The following GMPR variants were observed in gnomAD, a reference collection of about 807,000 sequenced individuals.
GMPR encodes the protein guanosine monophosphate reductase.
GMPR carries 31 observed loss-of-function variants against 38.4 expected under a neutral mutation model. That is an observed-to-expected ratio of 0.81 (90% CI 0.61 to 1.09). GMPR has a LOEUF of 1.09. GMPR is among the 50% of genes least tolerant of loss of function. The probability of loss-of-function intolerance (pLI) is 0.00; values close to 1 mark genes in which losing one functional copy is unlikely to be tolerated. For synonymous variants in GMPR, 162 were observed against 173.3 expected (o/e 0.93, Z 0.51); for missense variants, 468 against 453.7 (o/e 1.03, Z -0.29).
chr6:16,290,287 T>C, intron 7 of GMPR, 175 bp from the exon 8 acceptor site: 1 of 670,912 alleles, frequency 1.5e-6, no homozygotes, highest in East Asian at 2.5e-5. Flanking sequence ...TCTCCCTGCA[T>C]GGAAGCCTTC....
chr6:16,275,517 G>A (rs777537011), intron 5 of GMPR, among the ~76,000 whole-genome samples: 21 of 152,120 alleles, frequency 1.4e-4, no homozygotes, highest in Admixed American at 2.6e-4. Context: ...TCAAGGTTAA[G>A]TTTTTCATAT....
chr6:16,286,443 G>A (rs956884342), intron 7 of GMPR, among the ~76,000 whole-genome samples: 1 of 151,988 alleles, frequency 6.6e-6, no homozygotes, highest in Non-Finnish European at 1.5e-5. Context: ...TTGGAAGTCA[G>A]AGCTGGCCGC....
chr6:16,245,315 G>C (rs762332833), intron 1 of GMPR, among the ~76,000 whole-genome samples: 1 of 152,158 alleles, frequency 6.6e-6, no homozygotes, highest in Non-Finnish European at 1.5e-5. Flanking sequence ...CACCCAGGAC[G>C]CCTTCTGGAC....
intron 8 of GMPR, among the ~76,000 whole-genome samples, chr6:16,291,285 G>A (rs1759837760): frequency 6.6e-6 from 1 of 152,034 alleles, no homozygotes; most frequent in Non-Finnish European, 1.5e-5. Context: ...GTGCAGTGGT[G>A]TGATGTCAGC....
chr6:16,290,405 T>TG (rs1759817064), intron 7 of GMPR, 57 bp from the exon 8 acceptor site: 18 of 1,515,568 alleles, frequency 1.2e-5, no homozygotes, highest in Non-Finnish European at 1.6e-5. Flanking sequence ...TTTGAGAGCC[T>TG]TTTCCCCTGA....
At chr6:16,253,984 G>A (rs1327862032) in intron 3 of GMPR, among the ~76,000 whole-genome samples, 1 of 151,986 alleles carries the variant, frequency 6.6e-6, no homozygotes, top group Non-Finnish European at 1.5e-5. Context: ...AGACTGGAGT[G>A]CAATGGCACA....
chr6:16,291,890 AAC>A (rs1186193398), intron 8 of GMPR, among the ~76,000 whole-genome samples: 1 of 151,524 alleles, frequency 6.6e-6, no homozygotes, highest in Non-Finnish European at 1.5e-5. Context: ...CAGCCTGGGC[AAC>A]AGAGTGATAC....
At chr6:16,278,573 G>A (rs1245451203) in intron 5 of GMPR, among the ~76,000 whole-genome samples, 1 of 152,178 alleles carries the variant, frequency 6.6e-6, no homozygotes, top group Non-Finnish European at 1.5e-5. Flanking sequence ...CAGTGACAGT[G>A]ATGAGGACCG....
chr6:16,284,414 G>A (rs1581664784), intron 6 of GMPR, among the ~76,000 whole-genome samples: 1 of 152,128 alleles, frequency 6.6e-6, no homozygotes, highest in African/African-American at 2.4e-5. Context: ...GTTGTAACAC[G>A]GGGTAGCCTG....
intron 2 of GMPR, among the ~76,000 whole-genome samples, chr6:16,247,317 T>C (rs1348832228): frequency 6.6e-6 from 1 of 151,998 alleles, no homozygotes; most frequent in African/African-American, 2.4e-5. Context: ...ATTTACTGTA[T>C]AATTATGTTG....
At position 16,256,108 on chromosome 6, in the gene GMPR, T is replaced by A. The variant is rs1758968869; in HGVS notation, c.465+1373T>A. On this transcript the variant is annotated intron_variant, in intron 4 of 8. Transcript: ENST00000259727. ...GCGGGTGCCTGTAATCCCAGCTACT[T>A]AGGAGGCTGAGGCAGGAGAATCTCT... Among the ~76,000 whole-genome samples, 3 of 151,096 alleles carry A rather than the reference T, an allele frequency of 2.0e-5. No homozygotes were observed. The South Asian group carries it at 6.3e-4, about 32-fold the overall frequency.
chr6:16,259,683 C>T (rs1003586508), intron 4 of GMPR, among the ~76,000 whole-genome samples: 2 of 151,674 alleles, frequency 1.3e-5, no homozygotes, highest in East Asian at 1.9e-4. Flanking sequence ...GGCCTGGATA[C>T]GGTTTTTGTA....
intron 4 of GMPR, among the ~76,000 whole-genome samples, chr6:16,266,766 A>C (rs1209736909): frequency 6.6e-6 from 1 of 151,742 alleles, no homozygotes; most frequent in East Asian, 2.0e-4. Flanking sequence ...ACTCCGGCCT[A>C]GGTGAGAGCG....
chr6:16,266,951 C>A (rs1032493029), intron 4 of GMPR, among the ~76,000 whole-genome samples: 1 of 151,800 alleles, frequency 6.6e-6, no homozygotes, highest in African/African-American at 2.4e-5. Context: ...CGGCTTCACT[C>A]CTGAAGTCGG....
At chr6:16,277,984 T>C (rs1759504609) in intron 5 of GMPR, among the ~76,000 whole-genome samples, 1 of 151,744 alleles carries the variant, frequency 6.6e-6, no homozygotes, top group Admixed American at 6.6e-5. Context: ...GGAGGTATGA[T>C]AAAGAGGTCA....
intron 8 of GMPR, among the ~76,000 whole-genome samples, chr6:16,293,084 C>T (rs960191644): frequency 1.4e-4 from 22 of 152,140 alleles, no homozygotes; most frequent in African/African-American, 4.8e-4. Flanking sequence ...GAATGCTTCC[C>T]GACTTTGACA....
At chr6:16,252,830 G>C (rs997131649) in intron 3 of GMPR, among the ~76,000 whole-genome samples, 1 of 152,172 alleles carries the variant, frequency 6.6e-6, no homozygotes, top group African/African-American at 2.4e-5. Context: ...TGAACCACGA[G>C]GCCCAGGCGT....
chr6:16,259,358 C>T (rs1166551391), intron 4 of GMPR: 2 of 151,870 alleles, frequency 1.3e-5, no homozygotes, highest in African/African-American at 2.4e-5. Flanking sequence ...AGGCAGGAAC[C>T]GGCCATCTGG....
intron 3 of GMPR, among the ~76,000 whole-genome samples, chr6:16,251,710 G>T (rs1758879159): frequency 6.6e-6 from 1 of 152,264 alleles, no homozygotes; most frequent in South Asian, 2.1e-4. Context: ...TGTGGTTAAG[G>T]GGTATGAGAC....
Sources: gnomAD v4.1 joint callset for allele counts (sites outside exome capture counted in the v4.1 genomes callset) on GRCh38, gnomAD v4.1.1 for gene constraint, MANE v1.5 for transcripts, NCBI Gene and HGNC (gene_info 2026-07-23, HGNC 2026-07-21) for gene names.